CTNNAL1: variants seen among roughly 807,000 people sequenced by gnomAD.
The protein encoded by CTNNAL1 is catenin alpha like 1, also known as alpha-catulin.
A neutral mutation model predicts 93.6 loss-of-function variants in CTNNAL1; 69 were observed. The observed-to-expected ratio is 0.74, with a 90% CI of 0.61 to 0.90. The LOEUF is 0.90. Ranked by LOEUF, CTNNAL1 falls within the 40% of genes least tolerant of loss-of-function variation. The pLI, the probability that CTNNAL1 is intolerant of heterozygous loss-of-function variation, is 0.00. For missense variants in CTNNAL1, 836 were observed against 862.0 expected (o/e 0.97, Z 0.38); for synonymous variants, 286 against 305.4 (o/e 0.94, Z 0.66).
intron 12 of CTNNAL1, among the ~76,000 whole-genome samples, chr9:108,953,520 T>C (rs201977956): frequency 6.6e-6 from 1 of 151,848 alleles, no homozygotes; most frequent in Non-Finnish European, 1.5e-5. Flanking sequence ...TAAATTACAA[T>C]AAAACAAAAC....
chr9:108,990,937 T>C, intron 3 of CTNNAL1, 92 bp from the exon 4 acceptor site: 1 of 1,442,968 alleles, frequency 6.9e-7, no homozygotes, highest in Non-Finnish European at 9.2e-7. Flanking sequence ...AGGAAAATTC[T>C]GAATTCTAGG....
intron 1 of CTNNAL1, among the ~76,000 whole-genome samples, chr9:109,011,747 G>T (rs858151): frequency 6.6e-6 from 1 of 152,220 alleles, no homozygotes; most frequent in Non-Finnish European, 1.5e-5. Flanking sequence ...TTTAACCTCA[G>T]TATTCCTCAG....
At chr9:108,970,570 AAAG>A in intron 9 of CTNNAL1, 76 bp from the exon 10 acceptor site, 2 of 1,283,214 alleles carry the variant, frequency 1.6e-6, no homozygotes, top group Non-Finnish European at 2.1e-6. Context: ...TTATAATTAA[AAAG>A]AAAATTTTAC....
intron 8 of CTNNAL1, among the ~76,000 whole-genome samples, chr9:108,973,511 A>T (rs770481795): frequency 6.6e-6 from 1 of 152,158 alleles, no homozygotes; most frequent in Non-Finnish European, 1.5e-5. Context: ...GTTGCCATCC[A>T]GATCTTGTAC....
At chr9:108,974,441 T>A (rs1333899135) in intron 8 of CTNNAL1, among the ~76,000 whole-genome samples, 1 of 152,196 alleles carries the variant, frequency 6.6e-6, no homozygotes, top group Non-Finnish European at 1.5e-5. Context: ...TCTTTCTATG[T>A]TTAACAGGAT....
intron 2 of CTNNAL1, among the ~76,000 whole-genome samples, chr9:108,993,402 G>T (rs933074377): frequency 6.6e-6 from 1 of 152,202 alleles, no homozygotes. Context: ...AAGGAAGTTT[G>T]TCTGTCAGTC....
At chr9:108,948,817 A>G (rs1468787071) in intron 14 of CTNNAL1, among the ~76,000 whole-genome samples, 1 of 152,204 alleles carries the variant, frequency 6.6e-6, no homozygotes, top group East Asian at 1.9e-4. Context: ...GTAAATTACA[A>G]TAAGAATAAC....
chr9:108,987,107 C>T (rs1413710144), intron 4 of CTNNAL1, among the ~76,000 whole-genome samples: 1 of 152,062 alleles, frequency 6.6e-6, no homozygotes, highest in African/African-American at 2.4e-5. Context: ...CTTGCCCATG[C>T]CTATGTCCTG....
rs1831282001 is a variant in CTNNAL1, at chr9:108,976,894, T to C, written c.1188+68A>G. ...GAGACATACTAATAATACTAATGTA[T>C]TTCATACACCCATACAACATGAAAA... On this transcript the variant is annotated intron_variant, in intron 8 of 18. Transcript: ENST00000325551. The C allele has an allele frequency of 8.0e-6, 5 of 627,166 alleles. No homozygotes were observed. In the South Asian group the frequency reaches 1.4e-4, roughly 18 times the overall value. 38.9% of individuals were successfully genotyped at this position (627,166 alleles called of 1,614,324 possible). A position where few individuals can be genotyped will look rare whatever the true frequency, so the allele number is the denominator to read the frequency against.
At chr9:108,967,429 T>C (rs1191441454) in intron 10 of CTNNAL1, among the ~76,000 whole-genome samples, 2 of 152,202 alleles carry the variant, frequency 1.3e-5, no homozygotes, top group Non-Finnish European at 2.9e-5. Flanking sequence ...ATTCACCCAC[T>C]ACATACTAGT....
At chr9:108,945,712 T>C (rs1433415538) in intron 15 of CTNNAL1, among the ~76,000 whole-genome samples, 1 of 151,762 alleles carries the variant, frequency 6.6e-6, no homozygotes, top group Non-Finnish European at 1.5e-5. Flanking sequence ...TGGACTCAAG[T>C]GATCCTCCCA....
chr9:108,951,075 A>G (rs984541583), intron 14 of CTNNAL1, among the ~76,000 whole-genome samples: 11 of 151,550 alleles, frequency 7.3e-5, no homozygotes, highest in African/African-American at 2.2e-4. Flanking sequence ...AAGTGGCGCG[A>G]TCTCAGCTCA....
Position 108,990,625 on chromosome 9 carries a change from T to C in CTNNAL1, c.639+101A>G. The C allele has an allele frequency of 2.1e-6, 3 of 1,408,386 alleles. No homozygotes were observed. In the South Asian group the frequency reaches 4.5e-5, roughly 21 times the overall value. 87.2% of individuals were successfully genotyped at this position (1,408,386 alleles called of 1,614,324 possible). A position where few individuals can be genotyped will look rare whatever the true frequency, so the allele number is the denominator to read the frequency against. On this transcript the variant is annotated intron_variant, in intron 4 of 18. Transcript: ENST00000325551. Reference sequence around the variant, plus strand: ...TTCAAGACCAAGGCTATAGACTTAATAAGCAAAGAAACCAGTCCAAACAAT... The same window carrying C: ...TTCAAGACCAAGGCTATAGACTTAACAAGCAAAGAAACCAGTCCAAACAAT...
At chr9:108,984,623 G>A (rs1263684746) in intron 4 of CTNNAL1, among the ~76,000 whole-genome samples, 187 bp from the exon 5 acceptor site, 1 of 151,046 alleles carries the variant, frequency 6.6e-6, no homozygotes, top group Non-Finnish European at 1.5e-5. Flanking sequence ...CACAATATGA[G>A]TAGAAAGAAA....
At position 108,952,212 on chromosome 9, in the gene CTNNAL1, G is replaced by A. The variant is rs1378752464; in HGVS notation, c.1832C>T (p.Thr611Ile). The change falls in exon 14 of 19, where the codon ACT (threonine) becomes ATT (isoleucine). Residue 611 changes from threonine (T) to isoleucine (I), a missense_variant. Coordinates refer to ENST00000325551, the MANE Select transcript of CTNNAL1 (RefSeq NM_003798.4). The stretch of plus-strand genomic sequence containing the variant: ...ATAAAAATACAACTACATTTACCTA[G>A]TAAATAAATACAGAGAATAGGCCAT... ...SSMAYSLYLFTRGEGPLKTSQ... is the reference protein window; with the variant it reads ...SSMAYSLYLFIRGEGPLKTSQ... 16 of 1,606,236 alleles carry A rather than the reference G, an allele frequency of 1.0e-5. No homozygotes were observed. The highest frequency in any genetic ancestry group is 1.3e-5 in the African/African-American group (1 of 74,506).
chr9:108,964,015 A>G (rs1425387539), intron 11 of CTNNAL1, among the ~76,000 whole-genome samples: 1 of 152,184 alleles, frequency 6.6e-6, no homozygotes, highest in Non-Finnish European at 1.5e-5. Context: ...CACAACAGCA[A>G]GCCACTTCTC....
chr9:109,012,389 T>TG (rs1225967496), intron 1 of CTNNAL1, among the ~76,000 whole-genome samples: 2 of 152,144 alleles, frequency 1.3e-5, no homozygotes, highest in Non-Finnish European at 1.5e-5. Context: ...GTAATCCTAG[T>TG]ATGAGTCACG....
Position 108,972,819 on chromosome 9 carries a change from C to T in CTNNAL1, c.1203G>A (p.Ala401=), listed in dbSNP as rs376955187. 2.1e-5 allele frequency: 27 copies of T among 1,295,806 alleles called. No homozygotes were observed. Among genetic ancestry groups the T allele is most frequent in the Middle Eastern group, 2.3e-4 (1 of 4,332 alleles). 80.3% of individuals were successfully genotyped at this position (1,295,806 alleles called of 1,614,324 possible). ...NELKKELHST[A]TQLAADLLKY... ...TTAATAGATCTGCTGCCAGCTGTGT[C>T]GCTGTACTATGAAGCTGCAGATGTG... The change falls in exon 9 of 19, where the codon GCG becomes GCA. Residue 401 remains alanine (A), a synonymous_variant. Transcript: ENST00000325551.
chr9:108,995,113 G>C (rs1831969171), intron 2 of CTNNAL1, among the ~76,000 whole-genome samples: 1 of 152,198 alleles, frequency 6.6e-6, no homozygotes, highest in Admixed American at 6.5e-5. Context: ...AATGTTTGTG[G>C]TTTTAAGTTG....
Sources: allele counts gnomAD v4.1 joint callset (sites outside exome capture counted in the v4.1 genomes callset), GRCh38; gene constraint gnomAD v4.1.1; transcripts MANE v1.5; gene names NCBI Gene and HGNC (gene_info 2026-07-23, HGNC 2026-07-21).